ASIC2: variants seen among roughly 807,000 people sequenced by gnomAD.
ASIC2 encodes acid-sensing ion channel 2.
In ASIC2, 25 loss-of-function variants were observed where a neutral mutation model predicts 57.3. That is an observed-to-expected ratio of 0.44 (90% confidence interval 0.32 to 0.61). The LOEUF is 0.61. Ranked by LOEUF, ASIC2 falls within the 20% of genes least tolerant of loss-of-function variation. The pLI, the probability that ASIC2 is intolerant of heterozygous loss-of-function variation, is 0.06. For missense variants in ASIC2, 641 were observed against 738.1 expected, an observed-to-expected ratio of 0.87 and a Z score of 1.52; for synonymous variants, 319 against 307.5, an observed-to-expected ratio of 1.04 and a Z score of -0.39.
chr17:33,355,201 C>T (rs528607839), intron 1 of ASIC2, among the ~76,000 whole-genome samples: 9 of 152,272 alleles, frequency 5.9e-5, no homozygotes, highest in African/African-American at 2.2e-4. Context: ...GGTGTGGTGG[C>T]ATGTGCTTGT....
At chr17:33,754,006 G>T (rs1302382382) in intron 1 of ASIC2, among the ~76,000 whole-genome samples, 1 of 152,104 alleles carries the variant, frequency 6.6e-6, no homozygotes, top group East Asian at 1.9e-4. Context: ...TATACTTTCT[G>T]CTCCATGTTT....
At chr17:34,054,592 T>G (rs1023527) in intron 1 of ASIC2, among the ~76,000 whole-genome samples, 10 of 151,968 alleles carry the variant, frequency 6.6e-5, no homozygotes, top group Non-Finnish European at 1.5e-4. Flanking sequence ...TGCCAGATGG[T>G]CTTCAAAACA....
intron 2 of ASIC2, among the ~76,000 whole-genome samples, chr17:33,098,901 T>A (rs1013112504): frequency 6.6e-6 from 1 of 151,230 alleles, no homozygotes; most frequent in East Asian, 1.9e-4. Context: ...TTACAGTATA[T>A]ATATATATGT....
intron 1 of ASIC2, among the ~76,000 whole-genome samples, chr17:33,351,136 C>T (rs1416168300): frequency 1.3e-5 from 2 of 152,180 alleles, no homozygotes; most frequent in African/African-American, 4.8e-5. Context: ...ATTCTTTAAG[C>T]CTCAGTATCT....
intron 1 of ASIC2, among the ~76,000 whole-genome samples, chr17:33,359,345 G>C (rs1475931323): frequency 1.3e-5 from 2 of 152,194 alleles, no homozygotes; most frequent in African/African-American, 4.8e-5. Context: ...CTAGCTTTTA[G>C]GTCAAGGAGG....
intron 1 of ASIC2, among the ~76,000 whole-genome samples, chr17:33,866,030 T>G (rs1914229855): frequency 6.6e-6 from 1 of 152,214 alleles, no homozygotes; most frequent in African/African-American, 2.4e-5. Flanking sequence ...TTTTGTCTGA[T>G]TTCTTTGCTC....
intron 1 of ASIC2, among the ~76,000 whole-genome samples, chr17:33,156,621 T>C (rs570879915): frequency 6.6e-6 from 1 of 151,816 alleles, no homozygotes; most frequent in Admixed American, 6.6e-5. Context: ...CCAGGTGTGG[T>C]GGCATGGGCC....
chr17:34,018,518 A>G (rs1231024296), intron 1 of ASIC2, among the ~76,000 whole-genome samples: 1 of 152,240 alleles, frequency 6.6e-6, no homozygotes, highest in Non-Finnish European at 1.5e-5. Context: ...TATAGCTGCC[A>G]CAGATAGTGA....
chr17:33,587,784 T>C (rs140804501), intron 1 of ASIC2, among the ~76,000 whole-genome samples: 1 of 152,366 alleles, frequency 6.6e-6, no homozygotes, highest in African/African-American at 2.4e-5. Context: ...CTCCCCTTGA[T>C]AGAATTAGAA....
chr17:33,983,466 G>A (rs1256178933), intron 1 of ASIC2, among the ~76,000 whole-genome samples: 2 of 152,110 alleles, frequency 1.3e-5, no homozygotes, highest in African/African-American at 2.4e-5. Context: ...ACCCAGTTTC[G>A]ATGACGTTTG....
At chr17:34,038,463 G>A (rs1355964033) in intron 1 of ASIC2, 2 of 1,612,138 alleles carry the variant, frequency 1.2e-6, no homozygotes, top group Non-Finnish European at 1.7e-6. Context: ...TTTAACTGGT[G>A]AATTTTCACA....
chr17:33,603,471 C>G (rs71377502), intron 1 of ASIC2, among the ~76,000 whole-genome samples: 20,884 of 152,214 alleles, frequency 0.14, 1,618 homozygotes, highest in Non-Finnish European at 0.17. Context: ...CTGATAGGCT[C>G]TCTTCCTCTG....
Position 33,529,634 on chromosome 17 carries a change from A to G in ASIC2, c.556-417567T>C, listed in dbSNP as rs975522761. ...CTTCCCTGAAACTCAGTTTCACTGT[A>G]TGTAAAATGGGACTAATGATATGTA... On this transcript the variant is annotated intron_variant, in intron 1 of 9. Transcript: ENST00000359872. Among the ~76,000 whole-genome samples the G allele has an allele frequency of 3.9e-5, 6 of 152,218 alleles. No homozygotes were observed. The East Asian group carries it at 1.2e-3, about 29-fold the overall frequency.
intron 1 of ASIC2, among the ~76,000 whole-genome samples, chr17:33,885,117 T>G (rs1413097530): frequency 6.6e-6 from 1 of 152,174 alleles, no homozygotes; most frequent in Non-Finnish European, 1.5e-5. Context: ...CTCTCCTTCC[T>G]AACAGGGAGG....
chr17:33,119,807 C>T (rs1040740615), intron 1 of ASIC2, among the ~76,000 whole-genome samples: 11 of 152,130 alleles, frequency 7.2e-5, no homozygotes, highest in Admixed American at 3.9e-4. Flanking sequence ...GGAGATGAGG[C>T]GAATGTGACC....
At chr17:33,457,362 A>C (rs1188772521) in intron 1 of ASIC2, among the ~76,000 whole-genome samples, 1 of 151,908 alleles carries the variant, frequency 6.6e-6, no homozygotes, top group African/African-American at 2.4e-5. Context: ...CTATTTACTG[A>C]GTGTATGATC....
rs1296503879 is a variant in ASIC2 at position 33,110,905 on chromosome 17, C to G, written c.859+1012G>C. On this transcript the variant is annotated intron_variant, in intron 2 of 9. Coordinates refer to ENST00000225823, the MANE Select transcript of ASIC2 (RefSeq NM_183377.2). Reference sequence around the variant, plus strand: ...ACTCCCCTGCAGGCTGCTCCCCACGCTCCTCTCTTGACCCACCTCTGCAGT... The same window carrying G: ...ACTCCCCTGCAGGCTGCTCCCCACGGTCCTCTCTTGACCCACCTCTGCAGT... Among the ~76,000 whole-genome samples, 10 of 152,188 alleles carry G rather than the reference C, an allele frequency of 6.6e-5. No individual in the cohort carries two copies. The East Asian group carries it at 7.7e-4, about 12-fold the overall frequency.
At chr17:33,856,501 T>TCAGTAGAAGTGGTGGTGGTGG (rs1913941691) in intron 1 of ASIC2, among the ~76,000 whole-genome samples, 4 of 14,074 alleles carry the variant, frequency 2.8e-4, no homozygotes, top group East Asian at 1.8e-3. Context: ...AATAGTGTTG[T>TCAGTAGAAGTGGTGGTGGTGG]CAGTAGTAGT....
intron 1 of ASIC2, among the ~76,000 whole-genome samples, chr17:33,920,056 T>A (rs976835409): frequency 3.9e-5 from 6 of 152,166 alleles, no homozygotes. Context: ...AAGGGAACAC[T>A]TATACACTGC....
Sources: allele counts gnomAD v4.1 joint callset (sites outside exome capture counted in the v4.1 genomes callset), GRCh38; gene constraint gnomAD v4.1.1; transcripts MANE v1.5; gene names NCBI Gene and HGNC (gene_info 2026-07-23, HGNC 2026-07-21).